Variants in NUDCD1 observed in about 807,000 individuals in gnomAD.
NUDCD1 encodes NudC domain containing 1, also known as nudC domain-containing protein 1.
A neutral mutation model predicts 67.8 loss-of-function variants in NUDCD1; 60 were observed. The observed-to-expected ratio is 0.88, with a 90% CI of 0.72 to 1.10. NUDCD1 has a LOEUF of 1.10. Ranked by LOEUF, NUDCD1 falls within the 50% of genes least tolerant of loss-of-function variation. The pLI is 0.00. For synonymous variants in NUDCD1, 244 were observed against 230.8 expected, an observed-to-expected ratio of 1.06 and a Z score of -0.52; for missense variants, 643 against 695.0, an observed-to-expected ratio of 0.93 and a Z score of 0.84.
At chr8:109,324,787 GA>G (rs1395665408) in intron 1 of NUDCD1, among the ~76,000 whole-genome samples, 1 of 152,118 alleles carries the variant, frequency 6.6e-6, no homozygotes, top group Non-Finnish European at 1.5e-5. Flanking sequence ...GTCATTAAGT[GA>G]AATAAACCAG....
In NUDCD1 at chr8:109,268,062, TGAA is replaced by T. The variant is rs559027176; in HGVS notation, c.1299+2940_1299+2942del. ...AGCTTGTCTTAATAAATCTGTAAAA[TGAA>T]GAAGATGAAATATGGAATTTCTTTG... On this transcript the variant is annotated intron_variant, in intron 8 of 9. Coordinates refer to ENST00000239690, the MANE Select transcript of NUDCD1 (RefSeq NM_032869.4). Among the ~76,000 whole-genome samples the T allele has an allele frequency of 2.0e-4, 31 of 152,292 alleles. No homozygotes were observed. In the South Asian group the frequency reaches 6.0e-3, roughly 30 times the overall value.
At chr8:109,273,422 T>C (rs1814205378) in intron 7 of NUDCD1, among the ~76,000 whole-genome samples, 1 of 152,098 alleles carries the variant, frequency 6.6e-6, no homozygotes, top group Non-Finnish European at 1.5e-5. Context: ...GCTACAGTAG[T>C]GCTTAGAAGG....
At chr8:109,333,693 C>G (rs1364764789) in intron 1 of NUDCD1, among the ~76,000 whole-genome samples, 200 bp downstream of exon 1, 2 of 152,222 alleles carry the variant, frequency 1.3e-5, no homozygotes, top group South Asian at 4.1e-4. Context: ...GGTCCCGTTA[C>G]CGAAGAGCGC....
At chr8:109,287,742 G>A (rs1814609037) in intron 5 of NUDCD1, among the ~76,000 whole-genome samples, 2 of 151,850 alleles carry the variant, frequency 1.3e-5, no homozygotes, top group Non-Finnish European at 2.9e-5. Context: ...AATACAACCA[G>A]GTAAAAGAAC....
rs138749181 is a variant in NUDCD1 at position 109,278,928 on chromosome 8, T to C, written c.1028+2040A>G. ...GCATGGTGGCTCACACCTGTAATCCTAGCACTTTGGGAGGTCGAAGCAGGC... is the reference window on the plus strand; with the variant it reads ...GCATGGTGGCTCACACCTGTAATCCCAGCACTTTGGGAGGTCGAAGCAGGC... On this transcript the variant is annotated intron_variant, in intron 6 of 9. Transcript: ENST00000239690. Among the ~76,000 whole-genome samples, 96 of 152,128 alleles carry C rather than the reference T, an allele frequency of 6.3e-4. 2 individuals are homozygous for C. In the East Asian group the frequency reaches 0.017, roughly 27 times the overall value.
intron 6 of NUDCD1, among the ~76,000 whole-genome samples, chr8:109,277,379 T>C (rs1814314459): frequency 6.6e-6 from 1 of 152,146 alleles, no homozygotes; most frequent in South Asian, 2.1e-4. Flanking sequence ...CAAACCATCA[T>C]TAATTTGCAC....
At chr8:109,327,338 G>A (rs2130148461) in intron 1 of NUDCD1, among the ~76,000 whole-genome samples, 1 of 152,266 alleles carries the variant, frequency 6.6e-6, no homozygotes, top group East Asian at 1.9e-4. Flanking sequence ...GTAGAGATGA[G>A]TTTTATAGTC....
intron 3 of NUDCD1, 111 bp downstream of exon 3, chr8:109,296,273 C>G: frequency 1.2e-6 from 1 of 845,004 alleles, no homozygotes; most frequent in South Asian, 1.6e-5. Context: ...ATATATCAAA[C>G]AAACAACAGA....
chr8:109,287,215 G>A (rs1035758020), intron 5 of NUDCD1, among the ~76,000 whole-genome samples: 2 of 152,160 alleles, frequency 1.3e-5, no homozygotes, highest in Non-Finnish European at 2.9e-5. Flanking sequence ...AGCCCCTGTG[G>A]AAAGCAGTTT....
chr8:109,263,876 C>A (rs562712650), intron 8 of NUDCD1, among the ~76,000 whole-genome samples: 1 of 152,302 alleles, frequency 6.6e-6, no homozygotes, highest in Non-Finnish European at 1.5e-5. Context: ...GCATAAATTA[C>A]TGCAAATAAT....
chr8:109,296,125 G>A (rs1445510784), intron 3 of NUDCD1, among the ~76,000 whole-genome samples: 2 of 152,092 alleles, frequency 1.3e-5, no homozygotes, highest in East Asian at 3.8e-4. Flanking sequence ...AGTACTCTAC[G>A]CATATAAGAT....
Position 109,275,405 on chromosome 8 carries a change from C to T in NUDCD1, c.1120G>A (p.Ala374Thr). ...CGTTCAGCTATTGCAGCACACTGGGCTGAATCTCTTATAAGTTCCCCTTGT... is the reference window on the plus strand; with the variant it reads ...CGTTCAGCTATTGCAGCACACTGGGTTGAATCTCTTATAAGTTCCCCTTGT... Reference protein sequence around the residue: ...DKQGELIRDSAQCAAIAERLM... With the variant: ...DKQGELIRDSTQCAAIAERLM... Residue 374 changes from alanine (A) to threonine (T), a missense_variant, in exon 7 of 10, where the codon GCC (alanine) becomes ACC (threonine). By Grantham distance (58) the Ala-to-Thr change is moderately conservative (BLOSUM62 0). Coordinates refer to ENST00000239690, the MANE Select transcript of NUDCD1 (RefSeq NM_032869.4). 1.9e-6 allele frequency: 3 copies of T among 1,613,786 alleles called. No individual in the cohort carries two copies. Among genetic ancestry groups the T allele is most frequent in the Non-Finnish European group, 2.5e-6 (3 of 1,179,746 alleles).
chr8:109,275,957 CATAAT>C (rs1814276479), intron 6 of NUDCD1, among the ~76,000 whole-genome samples: 2 of 151,914 alleles, frequency 1.3e-5, no homozygotes, highest in South Asian at 4.2e-4. Context: ...AACTAAGAGC[CATAAT>C]ATATGATTAT....
chr8:109,258,327 T>C (rs920575132), intron 8 of NUDCD1, among the ~76,000 whole-genome samples: 2 of 152,100 alleles, frequency 1.3e-5, no homozygotes, highest in South Asian at 2.1e-4. Context: ...AATAAGGTCA[T>C]TGTATTCATG....
At position 109,299,841 on chromosome 8, in the gene NUDCD1, A is replaced by G. The variant is rs557234952; in HGVS notation, c.274-3272T>C. ...AATCACCAAAGCTAAGAATCCTCAC[A>G]GAGTCCATTTCACCCCGCTGACACC... is the stretch of plus-strand genomic sequence containing the variant. On this transcript the variant is annotated intron_variant, in intron 2 of 9. Transcript: ENST00000239690. Among the ~76,000 whole-genome samples the G allele has an allele frequency of 6.7e-4, 102 of 152,292 alleles. 1 individual carries two copies. The highest frequency in any genetic ancestry group is 3.4e-3 in the Middle Eastern group (1 of 294).
At chr8:109,245,929 C>T (rs1187881471) in intron 8 of NUDCD1, among the ~76,000 whole-genome samples, 4 of 152,194 alleles carry the variant, frequency 2.6e-5, no homozygotes, top group Non-Finnish European at 5.9e-5. Context: ...GCATTACTGC[C>T]TGAGCTCCAC....
intron 8 of NUDCD1, among the ~76,000 whole-genome samples, chr8:109,253,744 T>C (rs902505365): frequency 5.9e-5 from 9 of 152,178 alleles, no homozygotes; most frequent in Non-Finnish European, 1.5e-5. Flanking sequence ...GTGACTAAAA[T>C]AACTAGTTTT....
intron 8 of NUDCD1, among the ~76,000 whole-genome samples, chr8:109,251,533 T>A (rs1813624725): frequency 6.6e-6 from 1 of 152,212 alleles, no homozygotes; most frequent in Admixed American, 6.5e-5. Flanking sequence ...TTGTTCCATA[T>A]AAATTGTCAA....
At chr8:109,252,637 C>G (rs1438239312) in intron 8 of NUDCD1, among the ~76,000 whole-genome samples, 2 of 152,166 alleles carry the variant, frequency 1.3e-5, no homozygotes, top group African/African-American at 4.8e-5. Context: ...ACGGGTCACA[C>G]CACGTCTTTA....
Sources: gnomAD v4.1 joint callset for allele counts (sites outside exome capture counted in the v4.1 genomes callset) on GRCh38, gnomAD v4.1.1 for gene constraint, MANE v1.5 for transcripts, NCBI Gene and HGNC (gene_info 2026-07-23, HGNC 2026-07-21) for gene names.